AGBL1: variants seen among roughly 807,000 people sequenced by gnomAD.
The protein encoded by AGBL1 is cytosolic carboxypeptidase 4.
Under a neutral mutation model 118.9 loss-of-function variants are expected in AGBL1, and 130 were observed. That is an observed-to-expected ratio of 1.09 (90% confidence interval 0.95 to 1.26). The LOEUF (loss-of-function observed/expected upper bound fraction) is 1.26. Ranked by LOEUF, AGBL1 falls within the 50% of genes most tolerant of loss-of-function variation. The pLI is 0.00. For missense variants in AGBL1, 1,584 were observed against 1,298.1 expected, an observed-to-expected ratio of 1.22 and a Z score of -3.38; for synonymous variants, 555 against 478.9, an observed-to-expected ratio of 1.16 and a Z score of -2.08.
At chr15:86,972,168 C>G (rs2081115146) in intron 23 of AGBL1, among the ~76,000 whole-genome samples, 1 of 152,020 alleles carries the variant, frequency 6.6e-6, no homozygotes, top group Non-Finnish European at 1.5e-5. Flanking sequence ...CAGAATCCAT[C>G]TTAACACAGC....
At position 87,004,143 on chromosome 15, in the gene AGBL1, C is replaced by T. The variant is rs537523482; in HGVS notation, c.3323+16055C>T. On this transcript the variant is annotated intron_variant, in intron 24 of 24. Transcript: ENST00000441037. ...CCTCTACACACTGCTTTAAATATGT[C>T]CCAGAGATTCTGGTATGTTGTGTCT... is the stretch of plus-strand genomic sequence containing the variant. 2.8e-3 allele frequency among the ~76,000 whole-genome samples: 424 copies of T among 152,292 alleles called. 3 individuals carry two copies. The highest frequency in any genetic ancestry group is 0.01 in the African/African-American group (417 of 41,556).
intron 24 of AGBL1, among the ~76,000 whole-genome samples, chr15:87,027,173 GAAA>G (rs2081737241): frequency 6.6e-6 from 1 of 151,920 alleles, no homozygotes; most frequent in South Asian, 2.1e-4. Context: ...GCTAACATAT[GAAA>G]AATAGCTCAA....
chr15:86,589,396 T>C (rs1405257974), intron 21 of AGBL1, among the ~76,000 whole-genome samples: 1 of 152,200 alleles, frequency 6.6e-6, no homozygotes, highest in Non-Finnish European at 1.5e-5. Flanking sequence ...ATTTGGATCA[T>C]GTTAGTCACA....
chr15:86,440,325 T>C (rs967695329), intron 18 of AGBL1, among the ~76,000 whole-genome samples: 10 of 152,044 alleles, frequency 6.6e-5, no homozygotes, highest in Non-Finnish European at 2.9e-5. Context: ...TAATCACTTA[T>C]GGTAGGTTTA....
intron 22 of AGBL1, among the ~76,000 whole-genome samples, chr15:86,836,461 C>T (rs1372343907): frequency 1.3e-5 from 2 of 152,156 alleles, no homozygotes; most frequent in East Asian, 1.9e-4. Context: ...ACTCCAGACA[C>T]ACCGACATCA....
At chr15:86,490,382 T>C (rs2082763928) in intron 18 of AGBL1, among the ~76,000 whole-genome samples, 1 of 152,094 alleles carries the variant, frequency 6.6e-6, no homozygotes, top group African/African-American at 2.4e-5. Context: ...ATGAATCCAT[T>C]TGTAAACCTC....
intron 22 of AGBL1, among the ~76,000 whole-genome samples, chr15:86,723,087 T>A (rs1596406463): frequency 6.6e-6 from 1 of 152,190 alleles, no homozygotes. Flanking sequence ...ATTGTGGAAG[T>A]CAGTGTGGCA....
intron 5 of AGBL1, among the ~76,000 whole-genome samples, chr15:86,200,534 AGAGTAATAGACCCCTACCCCCCCCCCC>A (rs1286251014): frequency 7.3e-6 from 1 of 137,360 alleles, no homozygotes; most frequent in Non-Finnish European, 1.5e-5. Flanking sequence ...ATCCTACTCT[AGAGTAATAGACCCCTACCCCCCCCCCC>A]CTTTTTTTTT....
rs936340887 is a variant in AGBL1 at position 86,089,878 on chromosome 15, A to G, written c.51+9855A>G. Among the ~76,000 whole-genome samples, 3 of 152,314 alleles carry G rather than the reference A, an allele frequency of 2.0e-5. No homozygotes were observed. The East Asian group carries it at 5.8e-4, about 29-fold the overall frequency. On this transcript the variant is annotated intron_variant, in intron 1 of 22. Transcript: ENST00000614907. ...CTTTGACTTTAATTGCACCAACTTA[A>G]TATGTTCTAAAGGAAAAAAAATGCC...
At chr15:86,254,501 C>T (rs562124372) in intron 7 of AGBL1, among the ~76,000 whole-genome samples, 16 of 152,268 alleles carry the variant, frequency 1.1e-4, no homozygotes, top group African/African-American at 2.2e-4. Context: ...TACGCCAAAG[C>T]GAATTCAAAG....
intron 1 of AGBL1, among the ~76,000 whole-genome samples, chr15:86,091,348 G>A (rs1192945678): frequency 6.6e-6 from 1 of 152,100 alleles, no homozygotes; most frequent in East Asian, 1.9e-4. Context: ...AGAATGTTGT[G>A]GTAACTCTTG....
At chr15:86,478,192 C>T (rs1024750053) in intron 18 of AGBL1, among the ~76,000 whole-genome samples, 3 of 152,174 alleles carry the variant, frequency 2.0e-5, no homozygotes, top group Non-Finnish European at 4.4e-5. Context: ...TGCCCTCTCT[C>T]ACCACCCCTA....
chr15:86,454,304 A>C (rs1297589697), intron 18 of AGBL1, among the ~76,000 whole-genome samples: 2 of 152,182 alleles, frequency 1.3e-5, no homozygotes, highest in Admixed American at 1.3e-4. Context: ...GAACGATTGG[A>C]ACTCTCTTAC....
chr15:86,827,938 C>CTTTTTTATTTTTTTTTTTTTTT (rs2079052801), intron 22 of AGBL1, among the ~76,000 whole-genome samples: 1 of 16,760 alleles, frequency 6.0e-5, no homozygotes, highest in Non-Finnish European at 1.2e-4. Context: ...TGATGTAGGG[C>CTTTTTTATTTTTTTTTTTTTTT]TTTTTTTTTT....
At chr15:86,970,709 C>A (rs2081099044) in intron 23 of AGBL1, among the ~76,000 whole-genome samples, 3 of 152,084 alleles carry the variant, frequency 2.0e-5, no homozygotes, top group Non-Finnish European at 4.4e-5. Flanking sequence ...TTACAAAATT[C>A]AGTATGTTCC....
chr15:86,195,087 C>T (rs555035125), intron 5 of AGBL1, among the ~76,000 whole-genome samples: 15 of 152,182 alleles, frequency 9.9e-5, no homozygotes. Flanking sequence ...ACTTTTTCAT[C>T]ATGCATTTAT....
intron 21 of AGBL1, among the ~76,000 whole-genome samples, chr15:86,590,067 G>A (rs1054161088): frequency 1.3e-5 from 2 of 152,132 alleles, no homozygotes; most frequent in Non-Finnish European, 2.9e-5. Flanking sequence ...GTGTGCACAG[G>A]GAGAACCACA....
chr15:86,159,231 TG>T (rs1482037903), intron 5 of AGBL1, among the ~76,000 whole-genome samples: 3 of 152,164 alleles, frequency 2.0e-5, no homozygotes, highest in African/African-American at 7.2e-5. Context: ...AAACCCTGAA[TG>T]GGTATATTAT....
chr15:86,229,411 C>G (rs1369371511), intron 6 of AGBL1, among the ~76,000 whole-genome samples: 1 of 152,154 alleles, frequency 6.6e-6, no homozygotes, highest in Non-Finnish European at 1.5e-5. Flanking sequence ...ACCATCACAT[C>G]TCATGAGAAC....
Sources: gnomAD v4.1 joint callset for allele counts (sites outside exome capture counted in the v4.1 genomes callset) on GRCh38, gnomAD v4.1.1 for gene constraint, MANE v1.5 for transcripts, NCBI Gene and HGNC (gene_info 2026-07-23, HGNC 2026-07-21) for gene names.